Variants in NRG1 observed in about 807,000 individuals in gnomAD.
The protein encoded by NRG1 is neuregulin 1.
In NRG1, 18 loss-of-function variants were observed where a neutral mutation model predicts 63.8. That is an observed-to-expected ratio of 0.28 (90% CI 0.19 to 0.42). NRG1 has a LOEUF of 0.42. Ranked by LOEUF, NRG1 falls within the 10% of genes least tolerant of loss-of-function variation. The pLI, the probability that NRG1 is intolerant of heterozygous loss-of-function variation, is 1.00. For synonymous variants in NRG1, 302 were observed against 301.3 expected (o/e 1.00, Z -0.02); for missense variants, 762 against 814.7 (o/e 0.94, Z 0.79).
intron 1 of NRG1, among the ~76,000 whole-genome samples, chr8:31,919,841 A>G (rs1311965849): frequency 6.6e-6 from 1 of 152,174 alleles, no homozygotes; most frequent in East Asian, 1.9e-4. Context: ...GGTCCGGGTC[A>G]TATCTTATAA....
intron 5 of NRG1, among the ~76,000 whole-genome samples, chr8:32,619,160 G>C (rs1389728254): frequency 1.3e-5 from 2 of 152,148 alleles, no homozygotes; most frequent in Non-Finnish European, 2.9e-5. Context: ...GCTGCAGTGA[G>C]CTGTGATTGT....
rs190807012 is a variant in NRG1 at position 32,135,574 on chromosome 8, C to T, written c.38-460254C>T. Among the ~76,000 whole-genome samples the T allele has an allele frequency of 2.8e-3, 432 of 152,118 alleles. 4 individuals carry two copies. The highest frequency in any genetic ancestry group is 5.6e-3 in the Admixed American group (85 of 15,274). On this transcript the variant is annotated intron_variant, in intron 1 of 10. Transcript: ENST00000519301. ...ACCTGAGCAACTAAGTAGAGGCTGG[C>T]ATTTACTAAGATGGGTGAGATTGAG...
intron 5 of NRG1, among the ~76,000 whole-genome samples, chr8:32,691,081 C>T (rs1480576609): frequency 6.6e-6 from 1 of 151,970 alleles, no homozygotes; most frequent in Non-Finnish European, 1.5e-5. Context: ...CTGTGGATCA[C>T]ACCTGTAAAC....
At chr8:32,359,148 T>C (rs1806875538) in intron 1 of NRG1, among the ~76,000 whole-genome samples, 1 of 152,136 alleles carries the variant, frequency 6.6e-6, no homozygotes, top group Non-Finnish European at 1.5e-5. Context: ...ATTCTCAGTT[T>C]CGTTATTTGT....
chr8:32,185,659 C>T (rs1022907472), intron 1 of NRG1, among the ~76,000 whole-genome samples: 3 of 152,266 alleles, frequency 2.0e-5, no homozygotes, highest in Non-Finnish European at 4.4e-5. Flanking sequence ...AGTATAATTC[C>T]GGTTGACTTT....
intron 1 of NRG1, among the ~76,000 whole-genome samples, chr8:32,129,375 G>A (rs566905631): frequency 6.0e-4 from 91 of 152,010 alleles, no homozygotes; most frequent in African/African-American, 2.2e-3. Context: ...TGCTTCTTTG[G>A]TGGCGATCAG....
chr8:32,469,237 C>T (rs16879450), intron 1 of NRG1, among the ~76,000 whole-genome samples: 1,999 of 152,198 alleles, frequency 0.013, 49 homozygotes, highest in African/African-American at 0.045. Context: ...ATGACAAAGA[C>T]ATGGAAAGAG....
intron 1 of NRG1, among the ~76,000 whole-genome samples, chr8:32,064,470 G>A (rs1824413337): frequency 6.6e-6 from 1 of 152,110 alleles, no homozygotes; most frequent in Non-Finnish European, 1.5e-5. Flanking sequence ...ACTCTGAGCT[G>A]ACAATTTGCC....
intron 1 of NRG1, among the ~76,000 whole-genome samples, chr8:32,004,022 A>C (rs1197071190): frequency 6.6e-6 from 1 of 152,054 alleles, no homozygotes; most frequent in Non-Finnish European, 1.5e-5. Context: ...TGAAGATGGG[A>C]TATCCATAAA....
intron 1 of NRG1, among the ~76,000 whole-genome samples, chr8:31,797,590 T>C (rs1321296700): frequency 6.6e-6 from 1 of 152,210 alleles, no homozygotes; most frequent in Non-Finnish European, 1.5e-5. Context: ...TACCATATGA[T>C]CCAACAATTG....
chr8:32,567,851 A>G (rs1438717894), intron 1 of NRG1, among the ~76,000 whole-genome samples: 1 of 152,222 alleles, frequency 6.6e-6, no homozygotes, highest in Non-Finnish European at 1.5e-5. Context: ...TTGTTTTTCC[A>G]CTTGAATTGG....
At chr8:31,651,923 ATCTAACTACTTACCTGGTAACTTATG>A in intron 1 of NRG1, among the ~76,000 whole-genome samples, 1 of 152,260 alleles carries the variant, frequency 6.6e-6, no homozygotes, top group East Asian at 1.9e-4. Context: ...CTATCTGAAC[ATCTAACTACTTACCTGGTAACTTATG>A]TCCTACAAAC....
intron 5 of NRG1, among the ~76,000 whole-genome samples, chr8:32,725,089 A>T (rs1336691573): frequency 1.3e-5 from 2 of 152,108 alleles, no homozygotes; most frequent in Non-Finnish European, 2.9e-5. Flanking sequence ...TGTGTTGCTT[A>T]TGTCACTGCT....
At chr8:32,070,424 C>G in intron 1 of NRG1, among the ~76,000 whole-genome samples, 1 of 152,246 alleles carries the variant, frequency 6.6e-6, no homozygotes, top group Middle Eastern at 3.4e-3. Context: ...CTAATAATAG[C>G]ATAATAGCTA....
chr8:32,644,303 G>A (rs1257233238), intron 5 of NRG1, among the ~76,000 whole-genome samples: 3 of 152,148 alleles, frequency 2.0e-5, no homozygotes. Context: ...CTGGGGTGGA[G>A]CTTAAAGGGT....
At chr8:31,785,824 CAT>C (rs1049108407) in intron 1 of NRG1, among the ~76,000 whole-genome samples, 1 of 152,088 alleles carries the variant, frequency 6.6e-6, no homozygotes, top group African/African-American at 2.4e-5. Context: ...GAAAGAGTAT[CAT>C]GTGGTATACA....
intron 1 of NRG1, among the ~76,000 whole-genome samples, chr8:32,277,543 A>G (rs1207519502): frequency 6.6e-6 from 1 of 152,138 alleles, no homozygotes; most frequent in East Asian, 1.9e-4. Context: ...AAATATTTAA[A>G]TTTTTCCCTT....
At chr8:32,518,494 A>T (rs4733347) in intron 1 of NRG1, among the ~76,000 whole-genome samples, 1 of 151,956 alleles carries the variant, frequency 6.6e-6, no homozygotes, top group Non-Finnish European at 1.5e-5. Context: ...GGAGTTCCCC[A>T]TTCCTGCTGC....
chr8:32,182,269 C>T (rs575649269), intron 1 of NRG1, among the ~76,000 whole-genome samples: 1 of 151,884 alleles, frequency 6.6e-6, no homozygotes, highest in African/African-American at 2.4e-5. Context: ...TTTTTTTCTA[C>T]AGAGTCTCGC....
Sources: allele counts gnomAD v4.1 joint callset (sites outside exome capture counted in the v4.1 genomes callset), GRCh38; gene constraint gnomAD v4.1.1; transcripts MANE v1.5; gene names NCBI Gene and HGNC (gene_info 2026-07-23, HGNC 2026-07-21).